Variants in SLC37A1 observed in about 807,000 individuals in gnomAD.
The protein encoded by SLC37A1 is glucose-6-phosphate exchanger SLC37A1.
Under a neutral mutation model 75.3 loss-of-function variants are expected in SLC37A1, and 49 were observed. The ratio of observed to expected loss-of-function variants is 0.65; its 90% CI spans 0.52 to 0.83. SLC37A1 has a LOEUF of 0.83. SLC37A1 is among the 40% of genes least tolerant of loss of function. SLC37A1 has a pLI of 0.00. For missense variants in SLC37A1, 566 were observed against 695.0 expected (o/e 0.81, Z 2.09); for synonymous variants, 268 against 292.1 (o/e 0.92, Z 0.84).
intron 2 of SLC37A1, among the ~76,000 whole-genome samples, chr21:42,507,398 A>C (rs1303614559): frequency 2.6e-5 from 4 of 152,088 alleles, no homozygotes; most frequent in Non-Finnish European, 5.9e-5. Context: ...TGGCTGCCTA[A>C]ACTGTCAGCC....
intron 17 of SLC37A1, among the ~76,000 whole-genome samples, chr21:42,571,007 A>AGGACCT (rs900063060): frequency 3.9e-5 from 6 of 152,248 alleles, no homozygotes; most frequent in Non-Finnish European, 5.9e-5. Context: ...AGGCAGGACC[A>AGGACCT]GGACCTGACT....
chr21:42,533,785 A>G lies in SLC37A1; in HGVS notation c.139-913A>G, dbSNP rs374416797. ...AACTGGGCAGCAGCCTTGTCTGCAGAGGGGGAGACCGAGGCAGGGGCAGCA... is the reference window on the plus strand; with the variant it reads ...AACTGGGCAGCAGCCTTGTCTGCAGGGGGGGAGACCGAGGCAGGGGCAGCA... On this transcript the variant is annotated intron_variant, in intron 3 of 19. Transcript: ENST00000352133. Among the ~76,000 whole-genome samples, 32 of 152,250 alleles carry G rather than the reference A, an allele frequency of 2.1e-4. No individual in the cohort carries two copies. In the East Asian group the frequency reaches 5.8e-3, roughly 28 times the overall value.
chr21:42,578,027 A>T (rs1303359249), intron 18 of SLC37A1, among the ~76,000 whole-genome samples: 1 of 152,224 alleles, frequency 6.6e-6, no homozygotes, highest in East Asian at 1.9e-4. Context: ...CAAACCTAAG[A>T]ACTAGACATA....
At chr21:42,537,762 G>T (rs1213724801) in intron 5 of SLC37A1, among the ~76,000 whole-genome samples, 3 of 152,202 alleles carry the variant, frequency 2.0e-5, no homozygotes, top group African/African-American at 7.2e-5. Context: ...TTGTCAGTAA[G>T]GTTATTAAAA....
chr21:42,571,830 C>T (rs188399495), intron 17 of SLC37A1, among the ~76,000 whole-genome samples: 43 of 152,146 alleles, frequency 2.8e-4, no homozygotes, highest in African/African-American at 9.6e-4. Context: ...TTCACATTTC[C>T]GACAAAGTTC....
At chr21:42,536,944 G>A (rs865941358) in intron 5 of SLC37A1, among the ~76,000 whole-genome samples, 7 of 152,224 alleles carry the variant, frequency 4.6e-5, no homozygotes, top group South Asian at 2.1e-4. Context: ...TCACACCACA[G>A]CCAGAGACTG....
chr21:42,500,659 G>A (rs1224483341), intron 1 of SLC37A1, among the ~76,000 whole-genome samples: 8 of 152,116 alleles, frequency 5.3e-5, no homozygotes, highest in African/African-American at 1.9e-4. Flanking sequence ...GAATCAAACT[G>A]CCAAAGATGA....
chr21:42,519,252 C>G (rs1315833262), intron 2 of SLC37A1, among the ~76,000 whole-genome samples: 1 of 152,192 alleles, frequency 6.6e-6, no homozygotes, highest in Admixed American at 6.5e-5. Context: ...ATTTAGAATT[C>G]TGGGCTTATG....
intron 2 of SLC37A1, among the ~76,000 whole-genome samples, chr21:42,503,377 G>A (rs2054357856): frequency 1.3e-5 from 2 of 150,960 alleles, no homozygotes; most frequent in African/African-American, 4.9e-5. Flanking sequence ...AGCCTCCCGA[G>A]TACCTGGGAA....
At chr21:42,558,002 C>T (rs977964923) in intron 10 of SLC37A1, among the ~76,000 whole-genome samples, 4 of 152,168 alleles carry the variant, frequency 2.6e-5, no homozygotes, top group African/African-American at 9.7e-5. Flanking sequence ...AGGACAGCCG[C>T]ACAATCACAG....
At chr21:42,566,097 G>A (rs1326548883) in intron 15 of SLC37A1, among the ~76,000 whole-genome samples, 1 of 152,254 alleles carries the variant, frequency 6.6e-6, no homozygotes, top group Non-Finnish European at 1.5e-5. Context: ...TTCACTGTGA[G>A]CTGGAAGTGT....
At chr21:42,521,013 C>T (rs551648628) in intron 2 of SLC37A1, among the ~76,000 whole-genome samples, 4 of 152,278 alleles carry the variant, frequency 2.6e-5, no homozygotes, top group East Asian at 3.9e-4. Flanking sequence ...AATGCACGCT[C>T]GCCGTACAGT....
At chr21:42,515,884 G>A (rs1478947409) in intron 1 of SLC37A1, among the ~76,000 whole-genome samples, 12 of 152,122 alleles carry the variant, frequency 7.9e-5, no homozygotes, top group African/African-American at 2.7e-4. Context: ...TCAGCCACCC[G>A]AGTAGCTGGA....
intron 3 of SLC37A1, among the ~76,000 whole-genome samples, chr21:42,526,226 G>A (rs2054787774): frequency 6.6e-6 from 1 of 152,146 alleles, no homozygotes; most frequent in Non-Finnish European, 1.5e-5. Flanking sequence ...CTGCGGAGGT[G>A]GCTCTCCATT....
intron 3 of SLC37A1, among the ~76,000 whole-genome samples, chr21:42,530,637 CACACACACACACA>C (rs1180650984): frequency 1.4e-4 from 5 of 36,556 alleles, no homozygotes; most frequent in Non-Finnish European, 3.1e-4. Flanking sequence ...CACACACACA[CACACACACACACA>C]CACACCCCCT....
In SLC37A1 at chr21:42,548,821, G is replaced by A. The variant is rs2055487703; in HGVS notation, c.768+1681G>A. ...AGAAGGGTGCGAGCCCCTCGGGCCT[G>A]GATCATCACTGGGTCCCGGCACCTG... On this transcript the variant is annotated intron_variant, in intron 9 of 19. Coordinates refer to ENST00000352133, the MANE Select transcript of SLC37A1 (RefSeq NM_001320537.2). This position sits in a 1 kb window ranked among gnomAD's most constrained non-coding sequence, Gnocchi z 5.6. 6.6e-6 allele frequency among the ~76,000 whole-genome samples: 1 copy of A among 152,166 alleles called. No individual in the cohort carries two copies. The highest frequency in any genetic ancestry group is 6.5e-5 in the Admixed American group (1 of 15,282).
chr21:42,539,453 G>T (rs2055219397), intron 5 of SLC37A1, 59 bp from the exon 6 acceptor site: 1 of 1,552,242 alleles, frequency 6.4e-7, no homozygotes, highest in Non-Finnish European at 8.7e-7. Flanking sequence ...CAGCCACGAG[G>T]TTGCTAACAT....
At chr21:42,563,994 G>A (rs1338010709) in intron 13 of SLC37A1, 117 bp downstream of exon 13, 3 of 1,198,190 alleles carry the variant, frequency 2.5e-6, no homozygotes, top group Admixed American at 3.9e-5. Context: ...CCCTGAGTGG[G>A]CCCAGCCCAA....
intron 11 of SLC37A1, 35 bp downstream of exon 11, chr21:42,559,124 G>T: frequency 1.3e-6 from 2 of 1,597,582 alleles, no homozygotes; most frequent in Non-Finnish European, 1.7e-6. Flanking sequence ...TTTCAGAAAG[G>T]GCTGCTGTGC....
Sources: gnomAD v4.1 joint callset for allele counts (sites outside exome capture counted in the v4.1 genomes callset) on GRCh38, gnomAD v4.1.1 for gene constraint, Gnocchi (gnomAD v3.1) non-coding constraint, MANE v1.5 for transcripts, NCBI Gene and HGNC (gene_info 2026-07-23, HGNC 2026-07-21) for gene names.